STAG1: variants seen among roughly 807,000 people sequenced by gnomAD.
STAG1 encodes STAG1 cohesin complex component, also known as cohesin subunit SA-1.
A neutral mutation model predicts 170.9 loss-of-function variants in STAG1; 26 were observed. The observed-to-expected ratio is 0.15, with a 90% CI of 0.11 to 0.21. The LOEUF (loss-of-function observed/expected upper bound fraction) is 0.21, where lower values mean the gene tolerates loss of function less well. Among genes scored for constraint, STAG1 ranks in the 10% least tolerant of loss-of-function variants. STAG1 has a pLI of 1.00. For synonymous variants in STAG1, 514 were observed against 497.7 expected (o/e 1.03, Z -0.44); for missense variants, 964 against 1,509.5 (o/e 0.64, Z 5.99).
At chr3:136,636,384 T>C (rs1940561056) in intron 1 of STAG1, among the ~76,000 whole-genome samples, 1 of 152,236 alleles carries the variant, frequency 6.6e-6, no homozygotes, top group Non-Finnish European at 1.5e-5. Context: ...ATGTTATTTG[T>C]GAAGCCACTT....
chr3:136,596,784 A>C (rs1938446932), intron 4 of STAG1, among the ~76,000 whole-genome samples: 1 of 152,214 alleles, frequency 6.6e-6, no homozygotes, highest in African/African-American at 2.4e-5. Context: ...TGCAGTAAAT[A>C]ATTTCAGGCC....
At chr3:136,363,599 A>C in intron 25 of STAG1, 132 bp from the exon 26 acceptor site, 1 of 463,622 alleles carries the variant, frequency 2.2e-6, no homozygotes, top group Non-Finnish European at 3.8e-6. Flanking sequence ...AAGAAAGGAA[A>C]GGTAAATAAA....
intron 9 of STAG1, among the ~76,000 whole-genome samples, chr3:136,478,832 C>T (rs1218804607): frequency 3.3e-5 from 5 of 152,070 alleles, no homozygotes; most frequent in African/African-American, 1.2e-4. Context: ...AAAGTACAGG[C>T]TCTGGAGGAA....
chr3:136,369,113 C>T lies in STAG1; in HGVS notation c.2540G>A (p.Ser847Asn). The T allele has an allele frequency of 6.5e-7, 1 of 1,534,070 alleles. No homozygotes were observed. ...VFIDQDEENQ[S>N]MEGDEEDEAN... The stretch of plus-strand genomic sequence containing the variant: ...AAGATGATAGCTACAAGTACCCATG[C>T]TCTGGTTCTCCTCGTCTTGGTCAAT... The change falls in exon 24 of 34, where the codon AGC (serine) becomes AAC (asparagine). Residue 847 changes from serine (S) to asparagine (N), a missense_variant. This residue lies in a region of STAG1 where 149 missense variants were observed against 301.3 expected (regional missense o/e 0.49). Coordinates refer to ENST00000383202, the MANE Select transcript of STAG1 (RefSeq NM_005862.3).
chr3:136,689,472 A>G (rs1185590392), intron 1 of STAG1, among the ~76,000 whole-genome samples: 4 of 152,248 alleles, frequency 2.6e-5, no homozygotes, highest in Non-Finnish European at 4.4e-5. Context: ...ATCAAATTAT[A>G]TACTATAGTT....
chr3:136,424,626 C>A (rs570497944), intron 16 of STAG1, among the ~76,000 whole-genome samples: 1 of 152,048 alleles, frequency 6.6e-6, no homozygotes, highest in Non-Finnish European at 1.5e-5. Flanking sequence ...AGCCACTGCG[C>A]CCAGCCTGAG....
intron 4 of STAG1, among the ~76,000 whole-genome samples, chr3:136,584,348 T>C (rs1476059293): frequency 6.6e-6 from 1 of 152,208 alleles, no homozygotes; most frequent in African/African-American, 2.4e-5. Context: ...CCCAGTAACC[T>C]TGGAATATTA....
chr3:136,749,129 A>G (rs1304616491), intron 1 of STAG1, among the ~76,000 whole-genome samples: 3 of 152,198 alleles, frequency 2.0e-5, no homozygotes, highest in Non-Finnish European at 2.9e-5. Flanking sequence ...ATATAACGGG[A>G]TATCATTACG....
At chr3:136,414,590 C>T (rs1262470220) in intron 21 of STAG1, among the ~76,000 whole-genome samples, 1 of 152,142 alleles carries the variant, frequency 6.6e-6, no homozygotes, top group Admixed American at 6.6e-5. Flanking sequence ...TTCTTCCAAA[C>T]TCCTGTTAAT....
chr3:136,364,362 C>T (rs751336532), intron 25 of STAG1, among the ~76,000 whole-genome samples: 40 of 152,212 alleles, frequency 2.6e-4, no homozygotes, highest in Non-Finnish European at 4.4e-4. Context: ...GGATTACAGG[C>T]GTGAGCCACT....
intron 1 of STAG1, among the ~76,000 whole-genome samples, chr3:136,734,337 T>C (rs1031140804): frequency 6.6e-6 from 1 of 152,180 alleles, no homozygotes; most frequent in Non-Finnish European, 1.5e-5. Context: ...TGTTTGACTA[T>C]GTATAAAACA....
chr3:136,340,638 T>A (rs1458573928), intron 31 of STAG1, 33 bp from the exon 32 acceptor site: 2 of 1,402,564 alleles, frequency 1.4e-6, no homozygotes, highest in Middle Eastern at 1.8e-4. Flanking sequence ...AGAAAGCTCA[T>A]CAGACTCCAC....
At chr3:136,744,195 T>C (rs1934818121) in intron 1 of STAG1, among the ~76,000 whole-genome samples, 1 of 152,160 alleles carries the variant, frequency 6.6e-6, no homozygotes, top group Admixed American at 6.5e-5. Context: ...GACATGGTGG[T>C]GCATCCCTGT....
chr3:136,748,226 ACT>A (rs1253615758), intron 1 of STAG1, among the ~76,000 whole-genome samples: 2 of 151,746 alleles, frequency 1.3e-5, no homozygotes, highest in East Asian at 2.0e-4. Flanking sequence ...AAGGTGAAAC[ACT>A]GTCTCTACCA....
rs139917218 is a variant in STAG1, at chr3:136,666,283, G to A, written c.-83-35302C>T. Among the ~76,000 whole-genome samples the A allele has an allele frequency of 6.5e-3, 994 of 151,944 alleles. 12 individuals are homozygous for A. The highest frequency in any genetic ancestry group is 0.023 in the African/African-American group (939 of 41,448). On this transcript the variant is annotated intron_variant, in intron 1 of 33. Transcript: ENST00000383202. ...CTAGAGCCTCCTGAAAGAAAACAGC[G>A]CTGCCAACACCTCGATTTTGGTCTT...
chr3:136,725,791 T>G (rs1254892154), intron 1 of STAG1, among the ~76,000 whole-genome samples: 1 of 152,228 alleles, frequency 6.6e-6, no homozygotes, highest in Non-Finnish European at 1.5e-5. Context: ...TACCCTAAAA[T>G]AGTGTTGTGT....
rs1200715452 is a variant in STAG1, at chr3:136,556,883, C to T, written c.394+11882G>A. On this transcript the variant is annotated intron_variant, in intron 5 of 33. Transcript: ENST00000383202. Reference sequence around the variant, plus strand: ...CAGGTACGAGCCACTGTGCTTGGCCCACAAACCAGTTTCTAAAATATATAC... The same window carrying T: ...CAGGTACGAGCCACTGTGCTTGGCCTACAAACCAGTTTCTAAAATATATAC... Among the ~76,000 whole-genome samples, 3 of 152,002 alleles carry T rather than the reference C, an allele frequency of 2.0e-5. No homozygotes were observed. In the East Asian group the frequency reaches 5.8e-4, roughly 29 times the overall value.
intron 22 of STAG1, among the ~76,000 whole-genome samples, chr3:136,383,269 A>G (rs552052003): frequency 9.2e-5 from 14 of 152,330 alleles, no homozygotes; most frequent in Non-Finnish European, 1.8e-4. Flanking sequence ...AGAACAATAG[A>G]TAATATTCAA....
intron 1 of STAG1, among the ~76,000 whole-genome samples, chr3:136,741,772 A>AT (rs1190475736): frequency 6.6e-6 from 1 of 151,992 alleles, no homozygotes; most frequent in Non-Finnish European, 1.5e-5. Context: ...CTGGCCAGGA[A>AT]TTTTTTAAAA....
Sources: gnomAD v4.1 joint callset for allele counts (sites outside exome capture counted in the v4.1 genomes callset) on GRCh38, gnomAD v4.1.1 for gene constraint, gnomAD v4.1.1 regional missense constraint, MANE v1.5 for transcripts, NCBI Gene and HGNC (gene_info 2026-07-23, HGNC 2026-07-21) for gene names.